The following RAB40C variants were observed in gnomAD, a reference collection of about 807,000 sequenced individuals.
The protein encoded by RAB40C is RAB40C, member RAS oncogene family.
Under a neutral mutation model 28.1 loss-of-function variants are expected in RAB40C, and 8 were observed. The ratio of observed to expected loss-of-function variants is 0.28; its 90% confidence interval spans 0.17 to 0.51. The LOEUF (loss-of-function observed/expected upper bound fraction) is 0.51, where lower values mean the gene tolerates loss of function less well. Among genes scored for constraint, RAB40C ranks in the 20% least tolerant of loss-of-function variants. The pLI, the probability that RAB40C is intolerant of heterozygous loss-of-function variation, is 0.97. For missense variants in RAB40C, 288 were observed against 405.9 expected, an observed-to-expected ratio of 0.71 and a Z score of 2.50; for synonymous variants, 201 against 171.7, an observed-to-expected ratio of 1.17 and a Z score of -1.34.
At chr16:622,305 G>A (rs1055845136) in intron 3 of RAB40C, among the ~76,000 whole-genome samples, 2 of 152,180 alleles carry the variant, frequency 1.3e-5, no homozygotes, top group Non-Finnish European at 1.5e-5. Context: ...TCACGAGCAG[G>A]CGGGGGTGCT....
At chr16:599,002 C>T (rs533563539) in intron 1 of RAB40C, among the ~76,000 whole-genome samples, 7 of 152,308 alleles carry the variant, frequency 4.6e-5, no homozygotes, top group Admixed American at 3.9e-4. Flanking sequence ...TGGTCAGCAA[C>T]GTTGTCGGCC....
rs1176225459 is a variant in RAB40C at position 616,999 on chromosome 16, T to C, written c.143-209T>C. 5 of 588,186 alleles carry C rather than the reference T, an allele frequency of 8.5e-6. No individual in the cohort carries two copies. In the Admixed American group the frequency reaches 1.2e-4, roughly 14 times the overall value. 36.4% of individuals were successfully genotyped at this position (588,186 alleles called of 1,614,324 possible). ...GCTCCTGCCCTGCCCTGCCCCGCCC[T>C]GCCCGTGGCCCGTGTGCAGAAGTGG... is the stretch of plus-strand genomic sequence containing the variant. On this transcript the variant is annotated intron_variant, in intron 1 of 5. Coordinates refer to ENST00000248139, the MANE Select transcript of RAB40C (RefSeq NM_021168.5).
At chr16:618,287 G>C (rs370234444) in intron 3 of RAB40C, 27 bp downstream of exon 3, 1 of 1,580,502 alleles carries the variant, frequency 6.3e-7, no homozygotes, top group African/African-American at 1.4e-5. Flanking sequence ...TCTTTCCATT[G>C]CTTTTCAAAG....
At chr16:602,433 A>ATTTTTTTTTTTTTTTTTTTTT (rs1555454853) in intron 1 of RAB40C, among the ~76,000 whole-genome samples, 1 of 151,300 alleles carries the variant, frequency 6.6e-6, no homozygotes, top group Non-Finnish European at 1.5e-5. Context: ...TTTTTAATAA[A>ATTTTTTTTTTTTTTTTTTTTT]TTATTTTTTT....
In RAB40C at chr16:617,457, C is replaced by T. The variant is rs117218408; in HGVS notation, c.203+189C>T. Among the ~76,000 whole-genome samples, 70 of 152,322 alleles carry T rather than the reference C, an allele frequency of 4.6e-4. 1 individual carries two copies. In the East Asian group the frequency reaches 0.012, roughly 27 times the overall value. On this transcript the variant is annotated intron_variant, in intron 2 of 5. Coordinates refer to ENST00000248139, the MANE Select transcript of RAB40C (RefSeq NM_021168.5). ...AAAAGACAGTCTGGGACACTGTGTC[C>T]CTAGAGATCGCGGCTCCCCTCCTGC... is the stretch of plus-strand genomic sequence containing the variant.
rs550531671 is a variant in RAB40C at position 592,101 on chromosome 16, C to T, written c.142+1668C>T. 5.3e-5 allele frequency among the ~76,000 whole-genome samples: 8 copies of T among 152,360 alleles called. No individual in the cohort carries two copies. The South Asian group carries it at 1.7e-3, about 32-fold the overall frequency. On this transcript the variant is annotated intron_variant, in intron 1 of 5. Coordinates refer to ENST00000248139, the MANE Select transcript of RAB40C (RefSeq NM_021168.5). Reference sequence around the variant, plus strand: ...TGAACTGGGAGCAGTCAGCATCCAGCCTCCCCAGAGTCCATCTGCGCTTCA... The same window carrying T: ...TGAACTGGGAGCAGTCAGCATCCAGTCTCCCCAGAGTCCATCTGCGCTTCA...
In RAB40C at chr16:601,815, T is replaced by TAAAAAAAAAAAAAAAAAAAAAAAA. The variant is rs60094426; in HGVS notation, c.142+11389_142+11412dup. Reference sequence around the variant, plus strand: ...AAGGCCCTATCCCTGCAAAAAAAAGTAAAAAAAAAAAAAAAAAAAAAAAAA... The same window carrying TAAAAAAAAAAAAAAAAAAAAAAAA: ...AAGGCCCTATCCCTGCAAAAAAAAGTAAAAAAAAAAAAAAAAAAAAAAAAAAAAAAAAAAAAAAAAAAAAAAAAA... On this transcript the variant is annotated intron_variant, in intron 1 of 5. Transcript: ENST00000248139. 1.8e-4 allele frequency among the ~76,000 whole-genome samples: 5 copies of TAAAAAAAAAAAAAAAAAAAAAAAA among 27,200 alleles called. 2 individuals carry two copies. Among genetic ancestry groups the TAAAAAAAAAAAAAAAAAAAAAAAA allele is most frequent in the Non-Finnish European group, 2.1e-4 (3 of 14,018 alleles). 17.8% of individuals were successfully genotyped at this position (27,200 alleles called of 152,430 possible).
rs1414228282 is a variant in RAB40C, at chr16:624,423, C to G, written c.265-1009C>G. 16 of 985,466 alleles carry G rather than the reference C, an allele frequency of 1.6e-5. No individual in the cohort carries two copies. The South Asian group carries it at 6.6e-4, about 41-fold the overall frequency. 61.0% of individuals were successfully genotyped at this position (985,466 alleles called of 1,614,324 possible). A position where few individuals can be genotyped will look rare whatever the true frequency, so the allele number is the denominator to read the frequency against. On this transcript the variant is annotated intron_variant, in intron 3 of 5. Coordinates refer to ENST00000248139, the MANE Select transcript of RAB40C (RefSeq NM_021168.5). ...TCTGGCCTCGAAGGGTCTCCCTCAG[C>G]GAGAGGTGTCCTTCCTGAGCTGTCG...
At chr16:625,643 C>T in intron 4 of RAB40C, 134 bp downstream of exon 4, 1 of 1,004,142 alleles carries the variant, frequency 1.0e-6, no homozygotes, top group East Asian at 2.6e-5. Flanking sequence ...GTCCCACGGC[C>T]TACGCCTGGG....
chr16:601,642 C>T (rs1257081304), intron 1 of RAB40C, among the ~76,000 whole-genome samples: 3 of 151,914 alleles, frequency 2.0e-5, no homozygotes, highest in Admixed American at 6.6e-5. Context: ...CCTAAAATTA[C>T]ATGAGAGGGA....
At chr16:592,545 G>A (rs2036024951) in intron 1 of RAB40C, among the ~76,000 whole-genome samples, 2 of 152,242 alleles carry the variant, frequency 1.3e-5, no homozygotes, top group African/African-American at 2.4e-5. Context: ...CCGCCTCCTG[G>A]TCCTGCACTT....
chr16:607,516 A>AAG (rs2036385518), intron 1 of RAB40C, among the ~76,000 whole-genome samples: 8 of 150,228 alleles, frequency 5.3e-5, no homozygotes, highest in African/African-American at 1.5e-4. Context: ...AAAAAAAAAA[A>AAG]CGGGGGGCCG....
At position 590,342 on chromosome 16, in the gene RAB40C, C is replaced by G. The variant is rs981413012; in HGVS notation, c.51C>G (p.Phe17Leu). The G allele has an allele frequency of 9.4e-6, 15 of 1,595,862 alleles. No individual in the cohort carries two copies. The highest frequency in any genetic ancestry group is 1.3e-5 in the Non-Finnish European group (15 of 1,173,082). The change falls in exon 1 of 6, where the codon TTC becomes TTG. Residue 17 changes from phenylalanine to leucine, a missense_variant. Physicochemically the swap from Phe to Leu is conservative, Grantham distance 22. Coordinates refer to ENST00000248139, the MANE Select transcript of RAB40C (RefSeq NM_021168.5). ...AGAGCTACGACTACCTGCTCAAGTTCCTGCTGGTGGGCGACAGCGACGTGG... is the reference window on the plus strand; with the variant it reads ...AGAGCTACGACTACCTGCTCAAGTTGCTGCTGGTGGGCGACAGCGACGTGG... ...PVKSYDYLLK[F>L]LLVGDSDVGK...
intron 1 of RAB40C, among the ~76,000 whole-genome samples, chr16:601,530 A>G (rs1169290279): frequency 6.6e-6 from 1 of 152,126 alleles, no homozygotes; most frequent in African/African-American, 2.4e-5. Flanking sequence ...CAGCAGAGCA[A>G]TGTGATCGTT....
intron 1 of RAB40C, among the ~76,000 whole-genome samples, chr16:608,177 T>A (rs893592026): frequency 6.6e-6 from 1 of 152,190 alleles, no homozygotes. Context: ...TGGCGGAAGG[T>A]ACCTCACACA....
chr16:596,239 G>A (rs1347265678), intron 1 of RAB40C: 8 of 452,726 alleles, frequency 1.8e-5, no homozygotes, highest in Admixed American at 1.7e-4. Flanking sequence ...ACATCGGGGA[G>A]CTGAGAGGTG....
rs2036142541 is a variant in RAB40C, at chr16:597,040, G to A, written c.142+6607G>A. Among the ~76,000 whole-genome samples, 4 of 152,226 alleles carry A rather than the reference G, an allele frequency of 2.6e-5. No individual in the cohort carries two copies. The South Asian group carries it at 8.3e-4, about 31-fold the overall frequency. ...GCTGTGGAGAGGTAGGGACCCATGG[G>A]TATGGGGCGGAAGACCAGGGCACGA... On this transcript the variant is annotated intron_variant, in intron 1 of 5. Coordinates refer to ENST00000248139, the MANE Select transcript of RAB40C (RefSeq NM_021168.5).
intron 1 of RAB40C, among the ~76,000 whole-genome samples, chr16:613,460 C>T (rs993954435): frequency 2.6e-5 from 4 of 152,272 alleles, no homozygotes; most frequent in East Asian, 1.9e-4. Flanking sequence ...TGCAGCAGCA[C>T]GCAGCACACT....
At chr16:605,678 C>T (rs1015232379) in intron 1 of RAB40C, among the ~76,000 whole-genome samples, 2 of 152,206 alleles carry the variant, frequency 1.3e-5, no homozygotes, top group South Asian at 2.1e-4. Context: ...GTCAAGGCTG[C>T]AGTGCATTGG....
Sources: allele counts gnomAD v4.1 joint callset (sites outside exome capture counted in the v4.1 genomes callset), GRCh38; gene constraint gnomAD v4.1.1; transcripts MANE v1.5; gene names NCBI Gene and HGNC (gene_info 2026-07-23, HGNC 2026-07-21).